The following SGCZ variants were observed in gnomAD, a reference collection of about 807,000 sequenced individuals.
SGCZ encodes zeta-sarcoglycan.
A neutral mutation model predicts 41.3 loss-of-function variants in SGCZ; 40 were observed. That is an observed-to-expected ratio of 0.97 (90% CI 0.75 to 1.26). The LOEUF is 1.26. SGCZ is among the 50% of genes most tolerant of loss of function. The pLI is 0.00. For missense variants in SGCZ, 552 were observed against 369.8 expected (o/e 1.49, Z -4.04); for synonymous variants, 206 against 137.5 (o/e 1.50, Z -3.49).
intron 1 of SGCZ, among the ~76,000 whole-genome samples, chr8:15,041,389 A>C (rs1804090804): frequency 6.6e-6 from 1 of 152,028 alleles, no homozygotes; most frequent in Admixed American, 6.6e-5. Context: ...AAGTACACAT[A>C]GTCCTTTTGA....
chr8:14,354,735 T>A (rs1803231962), intron 2 of SGCZ, among the ~76,000 whole-genome samples: 1 of 151,854 alleles, frequency 6.6e-6, no homozygotes, highest in Non-Finnish European at 1.5e-5. Context: ...CACGATTTTT[T>A]AAAATTTCTA....
intron 1 of SGCZ, among the ~76,000 whole-genome samples, chr8:15,195,412 C>A (rs1404213923): frequency 1.3e-5 from 2 of 152,180 alleles, no homozygotes; most frequent in African/African-American, 4.8e-5. Context: ...TCTGTTGATG[C>A]AGGGATGGCT....
At chr8:14,624,953 A>T (rs1279888733) in intron 1 of SGCZ, among the ~76,000 whole-genome samples, 1 of 152,064 alleles carries the variant, frequency 6.6e-6, no homozygotes, top group African/African-American at 2.4e-5. Context: ...ATTTAGAATT[A>T]TTCTTCCTTA....
intron 1 of SGCZ, among the ~76,000 whole-genome samples, chr8:14,736,057 G>A (rs1020213426): frequency 6.6e-6 from 1 of 152,070 alleles, no homozygotes; most frequent in Non-Finnish European, 1.5e-5. Flanking sequence ...TTTCTACTCT[G>A]CATTTAAGCC....
chr8:14,202,762 A>G (rs536494182), intron 4 of SGCZ, among the ~76,000 whole-genome samples: 1 of 152,212 alleles, frequency 6.6e-6, no homozygotes, highest in South Asian at 2.1e-4. Flanking sequence ...TTCCTTCCTA[A>G]ACAGATCTCT....
intron 1 of SGCZ, among the ~76,000 whole-genome samples, chr8:15,061,438 G>C (rs559103524): frequency 2.0e-5 from 3 of 151,384 alleles, no homozygotes; most frequent in Non-Finnish European, 4.4e-5. Context: ...TGTACATGAG[G>C]GATTGATGGG....
chr8:14,472,407 G>A (rs1387224759), intron 2 of SGCZ, among the ~76,000 whole-genome samples: 1 of 151,972 alleles, frequency 6.6e-6, no homozygotes, highest in Non-Finnish European at 1.5e-5. Flanking sequence ...CCATACCATT[G>A]TCTTTGAGTC....
chr8:14,315,953 G>C (rs1459991123), intron 3 of SGCZ, among the ~76,000 whole-genome samples: 1 of 151,490 alleles, frequency 6.6e-6, no homozygotes, highest in African/African-American at 2.4e-5. Flanking sequence ...CTATGTAAAG[G>C]GAAAATTTTG....
chr8:15,174,607 G>A (rs947726613), intron 1 of SGCZ, among the ~76,000 whole-genome samples: 1 of 152,050 alleles, frequency 6.6e-6, no homozygotes, highest in South Asian at 2.1e-4. Flanking sequence ...TTACAAGATG[G>A]TATCAAATTA....
chr8:14,458,417 G>A (rs185637613), intron 2 of SGCZ, among the ~76,000 whole-genome samples: 133 of 152,240 alleles, frequency 8.7e-4, no homozygotes, highest in Non-Finnish European at 1.3e-3. Flanking sequence ...GTTATGCGTA[G>A]GTGATGCTGA....
At chr8:14,106,235 T>C (rs1194154561) in intron 6 of SGCZ, among the ~76,000 whole-genome samples, 2 of 152,212 alleles carry the variant, frequency 1.3e-5, no homozygotes, top group Admixed American at 6.5e-5. Context: ...CCTGTTCTAA[T>C]GGAATTTACA....
intron 1 of SGCZ, among the ~76,000 whole-genome samples, chr8:14,655,225 A>C (rs937189790): frequency 1.3e-5 from 2 of 152,016 alleles, no homozygotes; most frequent in East Asian, 3.9e-4. Context: ...GTAACTTCTT[A>C]GTTTTTCCAC....
chr8:14,655,780 C>A (rs1807545682), intron 1 of SGCZ, among the ~76,000 whole-genome samples: 1 of 152,088 alleles, frequency 6.6e-6, no homozygotes, highest in African/African-American at 2.4e-5. Context: ...CCCTTCCTAT[C>A]CTTAACACTA....
intron 1 of SGCZ, among the ~76,000 whole-genome samples, chr8:14,624,240 C>T (rs550714380): frequency 2.6e-5 from 4 of 152,146 alleles, no homozygotes; most frequent in Admixed American, 2.0e-4. Flanking sequence ...AAATAAACTA[C>T]TGAAGGTCCC....
At chr8:14,700,171 C>A (rs1809090802) in intron 1 of SGCZ, among the ~76,000 whole-genome samples, 2 of 151,844 alleles carry the variant, frequency 1.3e-5, no homozygotes, top group Non-Finnish European at 2.9e-5. Context: ...CTCGCTGCAG[C>A]AAAATTGACA....
intron 1 of SGCZ, among the ~76,000 whole-genome samples, chr8:15,136,873 A>G (rs1808127218): frequency 6.6e-6 from 1 of 152,150 alleles, no homozygotes; most frequent in South Asian, 2.1e-4. Flanking sequence ...AGGTGCTCAT[A>G]TAAGGGTACT....
intron 3 of SGCZ, among the ~76,000 whole-genome samples, chr8:14,312,054 T>G (rs1801565651): frequency 6.6e-6 from 1 of 152,102 alleles, no homozygotes; most frequent in African/African-American, 2.4e-5. Flanking sequence ...TAGCTATTAG[T>G]GGGGACAATG....
chr8:14,242,905 A>C (rs1798942585), intron 3 of SGCZ, among the ~76,000 whole-genome samples: 1 of 152,326 alleles, frequency 6.6e-6, no homozygotes, highest in African/African-American at 2.4e-5. Context: ...AACAAAACAT[A>C]CTTTAAAATT....
Position 15,235,186 on chromosome 8 carries a change from C to T in SGCZ, c.39+2399G>A, listed in dbSNP as rs372637725. On this transcript the variant is annotated intron_variant, in intron 1 of 7. Transcript: ENST00000382080. ...TCTAGGAAACCAAGCCAACCAACTC[C>T]GCTAAAAACAAGAAATCTAGACAAG... Among the ~76,000 whole-genome samples the T allele has an allele frequency of 4.6e-5, 7 of 152,124 alleles. No individual in the cohort carries two copies. In the East Asian group the frequency reaches 9.6e-4, roughly 21 times the overall value.
Sources: gnomAD v4.1 joint callset for allele counts (sites outside exome capture counted in the v4.1 genomes callset) on GRCh38, gnomAD v4.1.1 for gene constraint, MANE v1.5 for transcripts, NCBI Gene and HGNC (gene_info 2026-07-23, HGNC 2026-07-21) for gene names.